Variants in IL36G observed in about 807,000 individuals in gnomAD.
IL36G encodes the protein interleukin-36 gamma.
Under a neutral mutation model 13.5 loss-of-function variants are expected in IL36G, and 10 were observed. That is an observed-to-expected ratio of 0.74 (90% CI 0.46 to 1.26). IL36G has a LOEUF of 1.26. Ranked by LOEUF, IL36G falls within the 50% of genes most tolerant of loss-of-function variation. IL36G has a pLI of 0.00. For synonymous variants in IL36G, 84 were observed against 74.0 expected (o/e 1.13, Z -0.69); for missense variants, 199 against 203.0 (o/e 0.98, Z 0.12).
intron 4 of IL36G, among the ~76,000 whole-genome samples, chr2:112,982,196 T>TC (rs1684276323): frequency 6.6e-6 from 1 of 152,130 alleles, no homozygotes; most frequent in Non-Finnish European, 1.5e-5. Context: ...ACAGGCGGCG[T>TC]CAGGCTGCAG....
At chr2:112,982,192 G>A (rs576921594) in intron 4 of IL36G, among the ~76,000 whole-genome samples, 2 of 152,296 alleles carry the variant, frequency 1.3e-5, no homozygotes, top group East Asian at 1.9e-4. Flanking sequence ...GAACACAGGC[G>A]GCGTCAGGCT....
At chr2:112,983,244 A>T (rs866726896) in intron 4 of IL36G, among the ~76,000 whole-genome samples, 4 of 152,102 alleles carry the variant, frequency 2.6e-5, no homozygotes, top group South Asian at 2.1e-4. Context: ...GAGGTATGGG[A>T]GTTTCAAAGG....
intron 4 of IL36G, among the ~76,000 whole-genome samples, chr2:112,980,624 A>C (rs1684245207): frequency 6.6e-6 from 1 of 152,236 alleles, no homozygotes; most frequent in South Asian, 2.1e-4. Context: ...TCAGGAAGTG[A>C]AATGAAAATG....
At chr2:112,984,498 T>G (rs1206914646) in intron 4 of IL36G, among the ~76,000 whole-genome samples, 1 of 152,194 alleles carries the variant, frequency 6.6e-6, no homozygotes. Flanking sequence ...GTGGTATTGG[T>G]AAGGGAGGTA....
At chr2:112,982,095 AG>A (rs1254977303) in intron 4 of IL36G, among the ~76,000 whole-genome samples, 1 of 152,222 alleles carries the variant, frequency 6.6e-6, no homozygotes, top group Non-Finnish European at 1.5e-5. Context: ...ATGTAATAGT[AG>A]GCAAATTTGT....
intron 2 of IL36G, 59 bp downstream of exon 2, chr2:112,978,752 A>T: frequency 6.6e-7 from 1 of 1,523,578 alleles, no homozygotes. Context: ...CACTCACGCT[A>T]TCTCCTGTGG....
At chr2:112,978,890 C>T (rs1684212786) in intron 2 of IL36G, among the ~76,000 whole-genome samples, 197 bp downstream of exon 2, 1 of 152,224 alleles carries the variant, frequency 6.6e-6, no homozygotes, top group Non-Finnish European at 1.5e-5. Context: ...CTCCAGTCCC[C>T]AGCACCGGGG....
Position 112,985,321 on chromosome 2 carries a change from T to C in IL36G, c.*272T>C, listed in dbSNP as rs1684331942. On this transcript the variant is annotated 3_prime_UTR_variant, in exon 5 of 5. Coordinates refer to ENST00000259205, the MANE Select transcript of IL36G (RefSeq NM_019618.4). ...CACAAGGCATCTGCATGAGTGACTTTAAGACTCAAAGACCAAACACTGAGC... is the reference window on the plus strand; with the variant it reads ...CACAAGGCATCTGCATGAGTGACTTCAAGACTCAAAGACCAAACACTGAGC... 2 of 409,648 alleles carry C rather than the reference T, an allele frequency of 4.9e-6. No individual in the cohort carries two copies. The highest frequency in any genetic ancestry group is 2.0e-5 in the African/African-American group (1 of 49,970). 25.4% of individuals were successfully genotyped at this position (409,648 alleles called of 1,614,324 possible).
At chr2:112,980,266 C>A in intron 4 of IL36G, 118 bp downstream of exon 4, 2 of 889,552 alleles carry the variant, frequency 2.2e-6, no homozygotes, top group Non-Finnish European at 3.3e-6. Flanking sequence ...TTATTCCCAG[C>A]CTCTTTTAAG....
At chr2:112,981,373 T>C in intron 4 of IL36G, 1 of 744,468 alleles carries the variant, frequency 1.3e-6, no homozygotes, top group South Asian at 1.4e-5. Context: ...GCCTTCTCTG[T>C]GGTTCGTCCT....
chr2:112,980,064 G>A lies in IL36G; in HGVS notation c.216G>A (p.Gly72=). The A allele has an allele frequency of 6.2e-7, 1 of 1,613,800 alleles. No homozygotes were observed. The highest frequency in any genetic ancestry group is 2.2e-5 in the East Asian group (1 of 44,884). ...KYPEALEQGR[G]DPIYLGIQNP... Reference sequence around the variant, plus strand: ...CAGAGGCTCTTGAGCAAGGCAGAGGGGATCCCATTTATTTGGGAATCCAGA... The same window carrying A: ...CAGAGGCTCTTGAGCAAGGCAGAGGAGATCCCATTTATTTGGGAATCCAGA... The change falls in exon 4 of 5, where the codon GGG becomes GGA. Residue 72 remains glycine, a synonymous_variant. Transcript: ENST00000259205.
intron 3 of IL36G, 74 bp from the exon 4 acceptor site, chr2:112,979,935 A>G: frequency 6.8e-7 from 1 of 1,471,658 alleles, no homozygotes; most frequent in East Asian, 2.3e-5. Context: ...ACTTGAGGAT[A>G]CTGCCCTGCT....
intron 4 of IL36G, among the ~76,000 whole-genome samples, chr2:112,980,388 T>A (rs1168645195): frequency 6.6e-6 from 1 of 152,156 alleles, no homozygotes; most frequent in Non-Finnish European, 1.5e-5. Context: ...TAAAGATACT[T>A]TCCATAAACA....
intron 3 of IL36G, 89 bp from the exon 4 acceptor site, chr2:112,979,920 G>T (rs1046194743): frequency 7.5e-7 from 1 of 1,324,942 alleles, no homozygotes; most frequent in Non-Finnish European, 1.1e-6. Flanking sequence ...CTCTCTTCCA[G>T]ATCCACTTGA....
rs1359115552 is a variant in IL36G at position 112,985,185 on chromosome 2, A to G, written c.*136A>G. 4.7e-6 allele frequency: 3 copies of G among 636,656 alleles called. No individual in the cohort carries two copies. The highest frequency in any genetic ancestry group is 8.1e-6 in the Non-Finnish European group (3 of 368,838). The allele number at this position is 636,656 out of a possible 1,614,324, so 39.4% of individuals were successfully genotyped here. On this transcript the variant is annotated 3_prime_UTR_variant, in exon 5 of 5. Coordinates refer to ENST00000259205, the MANE Select transcript of IL36G (RefSeq NM_019618.4). ...AAGGCTGCTGTTATCATCTCATTTT[A>G]TAATGAAGAAGAAGCAATTACTTCA...
In IL36G at chr2:112,978,642, A is replaced by T. The variant is rs1364624480; in HGVS notation, c.4A>T (p.Arg2Ter). Residue 2 changes from arginine to a stop codon, truncating the protein, a stop_gained, in exon 2 of 5, where the codon AGA becomes TGA. Coordinates refer to ENST00000259205, the MANE Select transcript of IL36G (RefSeq NM_019618.4). LOFTEE classifies it high-confidence loss of function. M[R>*]GTPGDADGGG... Reference sequence around the variant, plus strand: ...CAGGTGCTGAGACAACCACACTATGAGAGGCACTCCAGGAGACGCTGATGG... The same window carrying T: ...CAGGTGCTGAGACAACCACACTATGTGAGGCACTCCAGGAGACGCTGATGG... The T allele has an allele frequency of 1.2e-6, 2 of 1,614,086 alleles. No homozygotes were observed.
chr2:112,979,183 A>G, intron 2 of IL36G, 38 bp from the exon 3 acceptor site: 1 of 1,303,504 alleles, frequency 7.7e-7, no homozygotes, highest in Non-Finnish European at 1.1e-6. Flanking sequence ...AGCCTTGATT[A>G]TAATATTTCT....
At chr2:112,983,045 G>A (rs1015042506) in intron 4 of IL36G, among the ~76,000 whole-genome samples, 4 of 152,200 alleles carry the variant, frequency 2.6e-5, no homozygotes, top group African/African-American at 9.7e-5. Context: ...AGAGAGCAGG[G>A]AGAACGGCTA....
chr2:112,979,580 T>C (rs1684227029), intron 3 of IL36G, among the ~76,000 whole-genome samples: 1 of 152,200 alleles, frequency 6.6e-6, no homozygotes, highest in South Asian at 2.1e-4. Context: ...GGAAGACTAG[T>C]AGCTTGTTCT....
Sources: gnomAD v4.1 joint callset for allele counts (sites outside exome capture counted in the v4.1 genomes callset) on GRCh38, gnomAD v4.1.1 for gene constraint, MANE v1.5 for transcripts, NCBI Gene and HGNC (gene_info 2026-07-23, HGNC 2026-07-21) for gene names.